The following UQCRC2 variants were observed in gnomAD, a reference collection of about 807,000 sequenced individuals.
The protein encoded by UQCRC2 is cytochrome b-c1 complex subunit 2, mitochondrial.
Under a neutral mutation model 55.6 loss-of-function variants are expected in UQCRC2, and 49 were observed. That is an observed-to-expected ratio of 0.88 (90% CI 0.70 to 1.12). UQCRC2 has a LOEUF of 1.12. Among genes scored for constraint, UQCRC2 ranks in the 50% most tolerant of loss-of-function variants. The pLI, the probability that UQCRC2 is intolerant of heterozygous loss-of-function variation, is 0.00. For synonymous variants in UQCRC2, 193 were observed against 192.0 expected (o/e 1.01, Z -0.04); for missense variants, 506 against 547.8 (o/e 0.92, Z 0.76).
chr16:21,973,576 T>C (rs1003616378), intron 10 of UQCRC2, among the ~76,000 whole-genome samples: 2 of 152,184 alleles, frequency 1.3e-5, no homozygotes, highest in Non-Finnish European at 2.9e-5. Context: ...CCAAAGCCTA[T>C]CTATATTATA....
At position 21,962,748 on chromosome 16, in the gene UQCRC2, A is replaced by G. The variant is rs746771179; in HGVS notation, c.390-13A>G. On this transcript the variant is annotated splice_polypyrimidine_tract_variant and intron_variant, in intron 5 of 13. Coordinates refer to ENST00000268379, the MANE Select transcript of UQCRC2 (RefSeq NM_003366.4). Reference sequence around the variant, plus strand: ...TTTTTGACTCATAATTCTTATCTCGATGTCTTCTGTAGTGATATTCTAATG... The same window carrying G: ...TTTTTGACTCATAATTCTTATCTCGGTGTCTTCTGTAGTGATATTCTAATG... The G allele has an allele frequency of 1.9e-6, 3 of 1,613,830 alleles. No homozygotes were observed. The highest frequency in any genetic ancestry group is 2.2e-5 in the East Asian group (1 of 44,890).
chr16:21,962,206 G>C (rs1567470936), intron 4 of UQCRC2: 1 of 476,428 alleles, frequency 2.1e-6, no homozygotes, highest in Non-Finnish European at 3.8e-6. Context: ...ATTATCCTTA[G>C]CATAATGTCC....
At position 21,972,109 on chromosome 16, in the gene UQCRC2, A is replaced by C. The variant is rs146974535; in HGVS notation, c.953A>C (p.Gln318Pro). The part of the protein sequence containing the change: ...HLHQAVAKAT[Q>P]QPFDVSAFNA... ...CACCAGGCTGTTGCCAAGGCAACTC[A>C]GCAGCCATTTGATGTGAGTCTGAAC... Residue 318 changes from glutamine (Q) to proline (P), a missense_variant, in exon 10 of 14, where the codon CAG becomes CCG. Gln to Pro is a moderately conservative substitution (Grantham distance 76). Transcript: ENST00000268379. 5,296 of 1,613,562 alleles carry C rather than the reference A, an allele frequency of 3.3e-3. 12 individuals carry two copies. The highest frequency in any genetic ancestry group is 3.9e-3 in the Non-Finnish European group (4,604 of 1,179,730).
chr16:21,953,366 C>A lies in UQCRC2; in HGVS notation c.-58C>A. The A allele has an allele frequency of 6.3e-7, 1 of 1,597,984 alleles. No individual in the cohort carries two copies. The highest frequency in any genetic ancestry group is 8.5e-7 in the Non-Finnish European group (1 of 1,172,214). On this transcript the variant is annotated 5_prime_UTR_variant, in exon 1 of 14. Coordinates refer to ENST00000268379, the MANE Select transcript of UQCRC2 (RefSeq NM_003366.4). The stretch of plus-strand genomic sequence containing the variant: ...AACGCTGGGAAACTCCCGGCCTCCG[C>A]CACCATCTTGCTTTCCTTTAATCCG...
Position 21,971,942 on chromosome 16 carries a change from T to C in UQCRC2, c.786T>C (p.Asn262=), listed in dbSNP as rs1358030099. The change falls in exon 10 of 14, where the codon AAT becomes AAC. Residue 262 remains asparagine (N), a synonymous_variant. Transcript: ENST00000268379. ...NYRGGEIREQ[N]GDSLVHAAFV... ...CCCCAGGTGAAATCCGAGAACAGAATGGAGACAGTCTTGTCCATGCTGCTT... is the reference window on the plus strand; with the variant it reads ...CCCCAGGTGAAATCCGAGAACAGAACGGAGACAGTCTTGTCCATGCTGCTT... 2 of 1,614,152 alleles carry C rather than the reference T, an allele frequency of 1.2e-6. No individual in the cohort carries two copies. Among genetic ancestry groups the C allele is most frequent in the African/African-American group, 1.3e-5 (1 of 75,064 alleles).
At chr16:21,967,107 T>C (rs904137345) in intron 7 of UQCRC2, among the ~76,000 whole-genome samples, 5 of 152,184 alleles carry the variant, frequency 3.3e-5, no homozygotes, top group Non-Finnish European at 5.9e-5. Flanking sequence ...TAGTATTTTT[T>C]AAATGTGTCC....
intron 1 of UQCRC2, among the ~76,000 whole-genome samples, chr16:21,953,797 GC>G (rs1019583096): frequency 6.6e-6 from 1 of 152,162 alleles, no homozygotes; most frequent in Non-Finnish European, 1.5e-5. Context: ...GGCGCACTTA[GC>G]CCCCCACCTT....
chr16:21,961,776 G>A (rs1030004231), intron 4 of UQCRC2, among the ~76,000 whole-genome samples: 2 of 150,178 alleles, frequency 1.3e-5, no homozygotes, highest in African/African-American at 2.4e-5. Flanking sequence ...CTCAGCCTCC[G>A]TGGTAGCTGG....
intron 13 of UQCRC2, among the ~76,000 whole-genome samples, chr16:21,981,682 G>C (rs902455135): frequency 3.3e-5 from 5 of 151,854 alleles, no homozygotes; most frequent in African/African-American, 1.2e-4. Context: ...AAGGTGGCTT[G>C]AGCCTGGGAG....
In UQCRC2 at chr16:21,962,194, T is replaced by C. The variant is rs1898220625; in HGVS notation, c.333-266T>C. ...CAATATTTGTCCCTTTGTGACTGGC[T>C]TATTATCCTTAGCATAATGTCCTCA... On this transcript the variant is annotated intron_variant, in intron 4 of 13. Coordinates refer to ENST00000268379, the MANE Select transcript of UQCRC2 (RefSeq NM_003366.4). The C allele has an allele frequency of 1.6e-5, 7 of 439,602 alleles. No individual in the cohort carries two copies. In the Admixed American group the frequency reaches 1.7e-4, roughly 11 times the overall value. 27.2% of individuals were successfully genotyped at this position (439,602 alleles called of 1,614,324 possible). A position where few individuals can be genotyped will look rare whatever the true frequency, so the allele number is the denominator to read the frequency against.
chr16:21,980,514 C>G (rs769223234), intron 12 of UQCRC2, 33 bp from the exon 13 acceptor site: 22 of 1,604,000 alleles, frequency 1.4e-5, no homozygotes, highest in South Asian at 4.5e-5. Flanking sequence ...TTGCCTTGCT[C>G]TCTAAAACTG....
intron 1 of UQCRC2, among the ~76,000 whole-genome samples, chr16:21,954,221 C>A (rs1898056286): frequency 6.6e-6 from 1 of 152,126 alleles, no homozygotes; most frequent in South Asian, 2.1e-4. Flanking sequence ...TTAGTTGCAA[C>A]AACTTGTAAG....
At chr16:21,968,990 A>G (rs879832890) in intron 8 of UQCRC2, among the ~76,000 whole-genome samples, 4 of 152,228 alleles carry the variant, frequency 2.6e-5, no homozygotes, top group African/African-American at 4.8e-5. Context: ...AGCTTACTAG[A>G]AAAACAGGCA....
In UQCRC2 at chr16:21,971,914, T is replaced by G; in HGVS notation, c.767-9T>G. ...TTTCTTCTTCCCTCTATCCTTAATC[T>G]GGCCCCAGGTGAAATCCGAGAACAG... On this transcript the variant is annotated splice_polypyrimidine_tract_variant and intron_variant, in intron 9 of 13. Coordinates refer to ENST00000268379, the MANE Select transcript of UQCRC2 (RefSeq NM_003366.4). 6.2e-7 allele frequency: 1 copy of G among 1,613,594 alleles called. No homozygotes were observed. Among genetic ancestry groups the G allele is most frequent in the Non-Finnish European group, 8.5e-7 (1 of 1,180,024 alleles).
intron 4 of UQCRC2, chr16:21,959,631 A>G (rs1481008217): frequency 6.6e-6 from 1 of 152,464 alleles, no homozygotes; most frequent in African/African-American, 2.4e-5. Context: ...AATGTTCTTA[A>G]TGGTGTCTAG....
At chr16:21,960,148 G>A (rs913151565) in intron 4 of UQCRC2, among the ~76,000 whole-genome samples, 26 of 152,162 alleles carry the variant, frequency 1.7e-4, no homozygotes, top group African/African-American at 5.6e-4. Flanking sequence ...TGTCCTGGAC[G>A]GCATCTTCCA....
intron 13 of UQCRC2, among the ~76,000 whole-genome samples, chr16:21,982,864 G>T (rs1898765833): frequency 6.6e-6 from 1 of 151,542 alleles, no homozygotes; most frequent in Non-Finnish European, 1.5e-5. Flanking sequence ...CCTTGGGAGG[G>T]TGAGGCAGAG....
intron 7 of UQCRC2, among the ~76,000 whole-genome samples, chr16:21,966,026 A>G (rs960353040): frequency 1.3e-5 from 2 of 151,932 alleles, no homozygotes; most frequent in African/African-American, 4.8e-5. Flanking sequence ...TAAGTATCAT[A>G]ATAGGGGCTG....
chr16:21,968,628 T>G lies in UQCRC2; in HGVS notation c.613T>G (p.Leu205Val). 6.2e-7 allele frequency: 1 copy of G among 1,606,180 alleles called. No individual in the cohort carries two copies. Among genetic ancestry groups the G allele is most frequent in the Non-Finnish European group, 8.5e-7 (1 of 1,176,514 alleles). ...YRIGKVTSEE[L>V]HYFVQNHFTS... ...TAATAAGTGTTTTTAACTTCCTCAG[T>G]TACATTACTTCGTTCAGAACCATTT... Residue 205 changes from leucine to valine, a missense_variant and splice_region_variant, in exon 8 of 14, where the codon TTA (leucine) becomes GTA (valine). By Grantham distance (32) the Leu-to-Val change is conservative (BLOSUM62 1). Transcript: ENST00000268379.
Sources: allele counts gnomAD v4.1 joint callset (sites outside exome capture counted in the v4.1 genomes callset), GRCh38; gene constraint gnomAD v4.1.1; transcripts MANE v1.5; gene names NCBI Gene and HGNC (gene_info 2026-07-23, HGNC 2026-07-21).